HIBCH: variants seen among roughly 807,000 people sequenced by gnomAD.
HIBCH encodes the protein 3-hydroxyisobutyryl-CoA hydrolase, mitochondrial.
Under a neutral mutation model 58.2 loss-of-function variants are expected in HIBCH, and 50 were observed. The ratio of observed to expected loss-of-function variants is 0.86; its 90% CI spans 0.68 to 1.09. The LOEUF (loss-of-function observed/expected upper bound fraction) is 1.09. Ranked by LOEUF, HIBCH falls within the 50% of genes least tolerant of loss-of-function variation. HIBCH has a pLI of 0.00. For synonymous variants in HIBCH, 151 were observed against 146.9 expected (o/e 1.03, Z -0.20); for missense variants, 450 against 449.7 (o/e 1.00, Z -0.01).
chr2:190,243,686 G>A lies in HIBCH; in HGVS notation c.891+1201C>T, dbSNP rs1686517089. Among the ~76,000 whole-genome samples the A allele has an allele frequency of 6.6e-6, 1 of 152,158 alleles. No homozygotes were observed. The highest frequency in any genetic ancestry group is 2.4e-5 in the African/African-American group (1 of 41,440). On this transcript the variant is annotated intron_variant, in intron 11 of 13. Coordinates refer to ENST00000359678, the MANE Select transcript of HIBCH (RefSeq NM_014362.4). This position sits in a 1 kb window ranked among gnomAD's most constrained non-coding sequence, Gnocchi z 4.1. ...TTTCCCCCTTAAGAATACAGTAAAA[G>A]GCCGGGTGTGGTGGCTCACACCTGT...
chr2:190,205,768 G>A, intron 13 of HIBCH, among the ~76,000 whole-genome samples: 1 of 152,024 alleles, frequency 6.6e-6, no homozygotes, highest in Non-Finnish European at 1.5e-5. Context: ...AAAAAATCAG[G>A]TTATCATGAA....
chr2:190,271,027 T>C (rs1389048739), intron 6 of HIBCH, among the ~76,000 whole-genome samples: 4 of 152,066 alleles, frequency 2.6e-5, no homozygotes, highest in Non-Finnish European at 5.9e-5. Flanking sequence ...TTATTATTAA[T>C]TATTTACCAT....
intron 6 of HIBCH, among the ~76,000 whole-genome samples, chr2:190,262,161 G>GTCAAAAAA (rs555160781): frequency 1.9e-4 from 19 of 99,818 alleles, no homozygotes; most frequent in East Asian, 8.0e-4. Context: ...ATGCGGTAGA[G>GTCAAAAAA]ACAAAAAAAA....
chr2:190,228,737 A>T (rs1686000451), intron 11 of HIBCH, among the ~76,000 whole-genome samples: 2 of 152,230 alleles, frequency 1.3e-5, no homozygotes, highest in Admixed American at 6.5e-5. Flanking sequence ...CCCTTTAAAG[A>T]TTTGTTTAAA....
intron 6 of HIBCH, among the ~76,000 whole-genome samples, chr2:190,263,161 A>T (rs550357442): frequency 2.6e-5 from 4 of 152,342 alleles, no homozygotes; most frequent in South Asian, 2.1e-4. Flanking sequence ...TAGACTAAAA[A>T]GGCTCCAAAG....
chr2:190,238,823 GT>G (rs1158418678), intron 11 of HIBCH, among the ~76,000 whole-genome samples: 4 of 151,974 alleles, frequency 2.6e-5, no homozygotes, highest in African/African-American at 9.7e-5. Flanking sequence ...TGATGGGGTT[GT>G]TTTTTTCTCG....
Position 190,207,526 on chromosome 2 carries a change from G to A in HIBCH, c.1045+1354C>T, listed in dbSNP as rs112071011. Reference sequence around the variant, plus strand: ...AGAAATGAAGAGAACTCTATGAAGAGTGATTGTTTATCAAAGCTTAAGAGC... The same window carrying A: ...AGAAATGAAGAGAACTCTATGAAGAATGATTGTTTATCAAAGCTTAAGAGC... On this transcript the variant is annotated intron_variant, in intron 13 of 13. Transcript: ENST00000359678. This position sits in a 1 kb window ranked among gnomAD's most constrained non-coding sequence, Gnocchi z 4.5. Among the ~76,000 whole-genome samples the A allele has an allele frequency of 2.2e-4, 33 of 152,306 alleles. No individual in the cohort carries two copies. Among genetic ancestry groups the A allele is most frequent in the Admixed American group, 4.6e-4 (7 of 15,296 alleles).
intron 6 of HIBCH, among the ~76,000 whole-genome samples, chr2:190,272,963 G>A (rs947714082): frequency 1.4e-4 from 21 of 151,914 alleles, no homozygotes; most frequent in Non-Finnish European, 2.6e-4. Context: ...AGCAGCAAAG[G>A]AACATCACTT....
intron 6 of HIBCH, among the ~76,000 whole-genome samples, chr2:190,273,536 G>A (rs545855225): frequency 8.5e-5 from 13 of 152,244 alleles, no homozygotes; most frequent in African/African-American, 2.6e-4. Context: ...ATCCACACTT[G>A]GAGAAAGTTG....
rs905985058 is a variant in HIBCH at position 190,299,675 on chromosome 2, G to GT, written c.79-2723dup. On this transcript the variant is annotated intron_variant, in intron 2 of 13. Coordinates refer to ENST00000359678, the MANE Select transcript of HIBCH (RefSeq NM_014362.4). ...GAAACAGTGTTAAGGTTTTGTTTTT[G>GT]TTTTTTTAACTTTTATTTTAGGTTC... Among the ~76,000 whole-genome samples the GT allele has an allele frequency of 9.2e-5, 14 of 151,992 alleles. No individual in the cohort carries two copies. In the East Asian group the frequency reaches 2.3e-3, roughly 25 times the overall value.
rs1176079856 is a variant in HIBCH at position 190,205,037 on chromosome 2, A to G, written c.*80T>C. 4 of 758,660 alleles carry G rather than the reference A, an allele frequency of 5.3e-6. No homozygotes were observed. The highest frequency in any genetic ancestry group is 1.7e-5 in the African/African-American group (1 of 58,206). The allele number at this position is 758,660 out of a possible 1,614,324, so 47.0% of individuals were successfully genotyped here. ...TTCTTAGCTTACAGGGTATATAAAA[A>G]CAGGCAGCAGGCTGGATTTGGCCCA... On this transcript the variant is annotated 3_prime_UTR_variant, in exon 14 of 14. Coordinates refer to ENST00000359678, the MANE Select transcript of HIBCH (RefSeq NM_014362.4).
intron 11 of HIBCH, among the ~76,000 whole-genome samples, chr2:190,218,364 T>C (rs917921623): frequency 6.6e-6 from 1 of 152,150 alleles, no homozygotes; most frequent in Non-Finnish European, 1.5e-5. Flanking sequence ...TGCAATCCTA[T>C]ATTAATTACC....
chr2:190,276,256 T>A (rs1687548500), intron 6 of HIBCH, among the ~76,000 whole-genome samples: 1 of 152,206 alleles, frequency 6.6e-6, no homozygotes, highest in African/African-American at 2.4e-5. Flanking sequence ...CAAAGTTTCA[T>A]CAGAGACTCC....
At chr2:190,252,710 C>A (rs1376082891) in intron 7 of HIBCH, among the ~76,000 whole-genome samples, 2 of 152,074 alleles carry the variant, frequency 1.3e-5, no homozygotes, top group Non-Finnish European at 2.9e-5. Context: ...CCTATTATAG[C>A]AAAATTATTA....
At chr2:190,244,801 A>G (rs1686556788) in intron 11 of HIBCH, 86 bp downstream of exon 11, 1 of 861,628 alleles carries the variant, frequency 1.2e-6, no homozygotes, top group South Asian at 1.3e-5. Context: ...GTCACCACCA[A>G]TGGAGCACTA....
intron 5 of HIBCH, among the ~76,000 whole-genome samples, chr2:190,289,248 CAT>C (rs1303485675): frequency 1.3e-5 from 2 of 151,882 alleles, no homozygotes; most frequent in South Asian, 2.1e-4. Flanking sequence ...TTTAGAAAAA[CAT>C]ATATATCCCC....
At chr2:190,238,790 G>A (rs183832047) in intron 11 of HIBCH, among the ~76,000 whole-genome samples, 2 of 152,294 alleles carry the variant, frequency 1.3e-5, no homozygotes, top group Admixed American at 1.3e-4. Context: ...AGAAGTGTCT[G>A]TTCACATCCT....
rs142749683 is a variant in HIBCH, at chr2:190,271,480, G to A, written c.439-10246C>T. On this transcript the variant is annotated intron_variant, in intron 6 of 13. Transcript: ENST00000359678. The stretch of plus-strand genomic sequence containing the variant: ...AATTTTTGTTATTTTCAGTAGAGAC[G>A]GGGTTTCGCCATGTTGGCCAGGCTG... Among the ~76,000 whole-genome samples, 1,203 of 151,724 alleles carry A rather than the reference G, an allele frequency of 7.9e-3. 19 individuals carry two copies. The highest frequency in any genetic ancestry group is 0.027 in the African/African-American group (1,120 of 41,356).
At position 190,243,910 on chromosome 2, in the gene HIBCH, C is replaced by A. The variant is rs912421583; in HGVS notation, c.891+977G>T. Among the ~76,000 whole-genome samples the A allele has an allele frequency of 9.2e-5, 14 of 152,152 alleles. No homozygotes were observed. The highest frequency in any genetic ancestry group is 2.9e-4 in the African/African-American group (12 of 41,426). The stretch of plus-strand genomic sequence containing the variant: ...GCTTGAGCCTGGGAGGCTGAGGCTG[C>A]AGTGAGTTGTGATTGCACCACTGTC... On this transcript the variant is annotated intron_variant, in intron 11 of 13. Transcript: ENST00000359678. This position sits in a 1 kb window ranked among gnomAD's most constrained non-coding sequence, Gnocchi z 4.1.
Sources: allele counts gnomAD v4.1 joint callset (sites outside exome capture counted in the v4.1 genomes callset), GRCh38; gene constraint gnomAD v4.1.1; non-coding constraint Gnocchi (gnomAD v3.1); transcripts MANE v1.5; gene names NCBI Gene and HGNC (gene_info 2026-07-23, HGNC 2026-07-21).